Variants in PRKCB observed in about 807,000 individuals in gnomAD.
The protein encoded by PRKCB is protein kinase C beta.
A neutral mutation model predicts 81.5 loss-of-function variants in PRKCB; 13 were observed. The ratio of observed to expected loss-of-function variants is 0.16; its 90% CI spans 0.10 to 0.25. The LOEUF is 0.25. Among genes scored for constraint, PRKCB ranks in the 10% least tolerant of loss-of-function variants. PRKCB has a pLI of 1.00. For synonymous variants in PRKCB, 335 were observed against 321.4 expected (o/e 1.04, Z -0.45); for missense variants, 509 against 875.7 (o/e 0.58, Z 5.29).
At chr16:24,072,570 CTCTT>C (rs1402810315) in intron 5 of PRKCB, among the ~76,000 whole-genome samples, 1 of 151,630 alleles carries the variant, frequency 6.6e-6, no homozygotes, top group Non-Finnish European at 1.5e-5. Flanking sequence ...CTTTAACTCT[CTCTT>C]TCTCTCTCTC....
intron 8 of PRKCB, among the ~76,000 whole-genome samples, chr16:24,116,809 C>A (rs1270737401): frequency 6.6e-6 from 1 of 152,182 alleles, no homozygotes; most frequent in Non-Finnish European, 1.5e-5. Context: ...GGGTGAAAAA[C>A]ACAAGGCCAG....
rs78070970 is a variant in PRKCB at position 24,140,371 on chromosome 16, C to A, written c.1066-14313C>A. On this transcript the variant is annotated intron_variant, in intron 9 of 16. Transcript: ENST00000643927. Reference sequence around the variant, plus strand: ...AGTGTACTGAGTTCTTGTAACCACCCGGTGGGATCTTCTTGCCTGCTCCCC... The same window carrying A: ...AGTGTACTGAGTTCTTGTAACCACCAGGTGGGATCTTCTTGCCTGCTCCCC... Among the ~76,000 whole-genome samples, 543 of 152,252 alleles carry A rather than the reference C, an allele frequency of 3.6e-3. 6 individuals carry two copies. Among genetic ancestry groups the A allele is most frequent in the African/African-American group, 0.013 (529 of 41,550 alleles).
At chr16:24,079,217 G>A (rs1213847944) in intron 5 of PRKCB, among the ~76,000 whole-genome samples, 1 of 151,994 alleles carries the variant, frequency 6.6e-6, no homozygotes, top group Non-Finnish European at 1.5e-5. Context: ...ATCCTTTGCT[G>A]ACTCTCTTTT....
intron 3 of PRKCB, among the ~76,000 whole-genome samples, chr16:24,005,255 A>G (rs955576080): frequency 6.6e-6 from 1 of 152,148 alleles, no homozygotes; most frequent in Non-Finnish European, 1.5e-5. Flanking sequence ...ACAAAACATT[A>G]GGTCAGGTAT....
chr16:23,931,580 G>A (rs1198722769), intron 2 of PRKCB, among the ~76,000 whole-genome samples: 2 of 152,176 alleles, frequency 1.3e-5, no homozygotes, highest in African/African-American at 2.4e-5. Flanking sequence ...GTGGGGAGGA[G>A]AGAAGCGAGA....
chr16:23,910,984 G>A (rs1038578408), intron 2 of PRKCB, among the ~76,000 whole-genome samples: 1 of 152,028 alleles, frequency 6.6e-6, no homozygotes, highest in Non-Finnish European at 1.5e-5. Flanking sequence ...TCCAAGGCAT[G>A]TATCAGTACC....
intron 3 of PRKCB, among the ~76,000 whole-genome samples, chr16:24,017,573 A>C (rs1458251763): frequency 6.6e-6 from 1 of 152,234 alleles, no homozygotes; most frequent in Admixed American, 6.5e-5. Context: ...TTAAAAGGCA[A>C]ATGAGAAACT....
chr16:24,054,807 T>A (rs772142199), intron 5 of PRKCB, among the ~76,000 whole-genome samples: 9 of 152,216 alleles, frequency 5.9e-5, no homozygotes, highest in Non-Finnish European at 1.3e-4. Context: ...TTGAAAACAT[T>A]TGGAATTTTC....
chr16:24,054,484 G>T (rs1296960291), intron 5 of PRKCB, among the ~76,000 whole-genome samples: 1 of 152,198 alleles, frequency 6.6e-6, no homozygotes, highest in Admixed American at 6.5e-5. Flanking sequence ...ATAAGTGCTG[G>T]TGCTGGAATT....
At chr16:23,890,179 A>G (rs907120679) in intron 2 of PRKCB, among the ~76,000 whole-genome samples, 2 of 152,194 alleles carry the variant, frequency 1.3e-5, no homozygotes, top group African/African-American at 4.8e-5. Flanking sequence ...GAGGCAGCTA[A>G]TATTTAAGAA....
chr16:23,911,128 C>CTTTTT (rs567904157), intron 2 of PRKCB, among the ~76,000 whole-genome samples: 1,356 of 31,514 alleles, frequency 0.043, 512 homozygotes, highest in East Asian at 0.077. Context: ...CGTATATATG[C>CTTTTT]TTTTTTTTTT....
At chr16:24,191,326 TC>T in intron 16 of PRKCB, 96 bp downstream of exon 16, 1 of 1,366,944 alleles carries the variant, frequency 7.3e-7, no homozygotes, top group Non-Finnish European at 1.0e-6. Flanking sequence ...GGGGTAGACG[TC>T]AATGTGTCTA....
chr16:24,096,666 A>AAATATATATATATATAT (rs1406204037), intron 7 of PRKCB, among the ~76,000 whole-genome samples: 3 of 32,702 alleles, frequency 9.2e-5, no homozygotes, highest in South Asian at 1.5e-3. Flanking sequence ...AAAAAAAAAA[A>AAATATATATATATATAT]ATATATATAT....
chr16:24,015,068 T>C (rs556265411), intron 3 of PRKCB, among the ~76,000 whole-genome samples: 1 of 152,300 alleles, frequency 6.6e-6, no homozygotes, highest in Admixed American at 6.5e-5. Context: ...CCCAAAATGC[T>C]GGGATTACAG....
intron 7 of PRKCB, among the ~76,000 whole-genome samples, chr16:24,104,734 C>T (rs1359300263): frequency 1.3e-5 from 2 of 152,104 alleles, no homozygotes; most frequent in African/African-American, 4.8e-5. Flanking sequence ...GGCCCTGGGG[C>T]AGGAGTGCAC....
intron 5 of PRKCB, among the ~76,000 whole-genome samples, chr16:24,057,239 C>T (rs939613630): frequency 6.6e-6 from 1 of 152,242 alleles, no homozygotes; most frequent in South Asian, 2.1e-4. Context: ...CCATTAGATC[C>T]CCATGTCAGC....
chr16:24,073,574 A>G (rs1966141665), intron 5 of PRKCB, among the ~76,000 whole-genome samples: 1 of 152,038 alleles, frequency 6.6e-6, no homozygotes, highest in Non-Finnish European at 1.5e-5. Flanking sequence ...GCCTCAAGTG[A>G]TCCTCCCTCC....
At chr16:24,190,903 A>G (rs1049339724) in intron 15 of PRKCB, among the ~76,000 whole-genome samples, 187 bp from the exon 16 acceptor site, 2 of 152,142 alleles carry the variant, frequency 1.3e-5, no homozygotes, top group African/African-American at 4.8e-5. Context: ...AGTGGGTCCT[A>G]TTATCAGGTC....
chr16:24,112,909 C>A, intron 7 of PRKCB, 64 bp from the exon 8 acceptor site: 2 of 1,157,448 alleles, frequency 1.7e-6, no homozygotes, highest in Non-Finnish European at 2.5e-6. Context: ...TTTTCATATG[C>A]TGATCAATAA....
Sources: gnomAD v4.1 joint callset for allele counts (sites outside exome capture counted in the v4.1 genomes callset) on GRCh38, gnomAD v4.1.1 for gene constraint, MANE v1.5 for transcripts, NCBI Gene and HGNC (gene_info 2026-07-23, HGNC 2026-07-21) for gene names.